The following SYN2 variants were observed in gnomAD, a reference collection of about 807,000 sequenced individuals.
The protein encoded by SYN2 is synapsin-2.
Under a neutral mutation model 50.9 loss-of-function variants are expected in SYN2, and 19 were observed. The ratio of observed to expected loss-of-function variants is 0.37; its 90% CI spans 0.26 to 0.55. The LOEUF is 0.55. Among genes scored for constraint, SYN2 ranks in the 20% least tolerant of loss-of-function variants. The pLI is 0.81. For missense variants in SYN2, 587 were observed against 576.4 expected (o/e 1.02, Z -0.19); for synonymous variants, 255 against 224.9 (o/e 1.13, Z -1.20).
rs751594755 is a variant in SYN2 at position 12,169,814 on chromosome 3, A to G, written c.1216A>G (p.Ile406Val). Residue 406 changes from isoleucine (I) to valine (V), a missense_variant, in exon 10 of 13, where the codon ATC (isoleucine) becomes GTC (valine). Transcript: ENST00000621198. Reference protein sequence around the residue: ...GEHQVEDRQLITELVISKMNQ... With the variant: ...GEHQVEDRQLVTELVISKMNQ... Reference sequence around the variant, plus strand: ...ACATCAGGTGGAGGACAGGCAACTCATCACCGAACTAGTCATCAGCAAGAT... The same window carrying G: ...ACATCAGGTGGAGGACAGGCAACTCGTCACCGAACTAGTCATCAGCAAGAT... The G allele has an allele frequency of 3.1e-6, 5 of 1,613,948 alleles. No individual in the cohort carries two copies. The highest frequency in any genetic ancestry group is 3.4e-6 in the Non-Finnish European group (4 of 1,179,874).
At chr3:12,080,221 A>G (rs1243873804) in intron 1 of SYN2, among the ~76,000 whole-genome samples, 1 of 148,562 alleles carries the variant, frequency 6.7e-6, no homozygotes, top group East Asian at 1.9e-4. Context: ...CTAGCAGTCT[A>G]TTTTATGAAT....
chr3:12,049,355 T>A (rs1335118281), intron 1 of SYN2, among the ~76,000 whole-genome samples: 1 of 151,762 alleles, frequency 6.6e-6, no homozygotes, highest in Non-Finnish European at 1.5e-5. Context: ...TCGTCTCTAC[T>A]AAAAATACAA....
intron 1 of SYN2, among the ~76,000 whole-genome samples, chr3:12,056,386 A>C (rs1402902447): frequency 1.3e-5 from 2 of 150,950 alleles, no homozygotes; most frequent in African/African-American, 4.9e-5. Context: ...TGTTTGCCTT[A>C]TAACAACTCA....
chr3:12,062,600 A>G (rs1695136883), intron 1 of SYN2, among the ~76,000 whole-genome samples: 1 of 152,040 alleles, frequency 6.6e-6, no homozygotes, highest in Admixed American at 6.6e-5. Context: ...TTTGCAAAAT[A>G]TGTACCTAAT....
rs181271429 is a variant in SYN2 at position 12,190,427 on chromosome 3, C to T, written c.1614-63C>T. 330 of 1,586,092 alleles carry T rather than the reference C, an allele frequency of 2.1e-4. 1 individual carries two copies. The highest frequency in any genetic ancestry group is 5.6e-4 in the Middle Eastern group (3 of 5,334). ...TTCTAGCTGTGTATCCTCACGTCAC[C>T]GTCCTTCCCTGCCTTGCTGGGAACA... On this transcript the variant is annotated intron_variant, in intron 12 of 12. Transcript: ENST00000621198.
chr3:12,187,261 A>G, intron 11 of SYN2, 108 bp from the exon 12 acceptor site: 1 of 1,412,170 alleles, frequency 7.1e-7, no homozygotes, highest in South Asian at 1.6e-5. Context: ...CTTGGAATAG[A>G]GCTTATCCTT....
In SYN2 at chr3:12,081,778, A is replaced by G. The variant is rs149566117; in HGVS notation, c.378-58873A>G. On this transcript the variant is annotated intron_variant, in intron 1 of 12. Coordinates refer to ENST00000621198, the MANE Select transcript of SYN2 (RefSeq NM_133625.6). ...GTTCATACTGCTTACTTGAATATCT[A>G]TATTGATTTGTAATCTCTTTTCCCA... 4.1e-3 allele frequency among the ~76,000 whole-genome samples: 619 copies of G among 152,176 alleles called. 3 individuals carry two copies. Among genetic ancestry groups the G allele is most frequent in the South Asian group, 9.5e-3 (46 of 4,822 alleles).
At chr3:12,190,378 G>A in intron 12 of SYN2, 112 bp from the exon 13 acceptor site, 2 of 1,243,888 alleles carry the variant, frequency 1.6e-6, no homozygotes, top group Admixed American at 3.8e-5. Flanking sequence ...CCATCACCTT[G>A]GTTTCCCAGG....
intron 5 of SYN2, chr3:12,159,400 G>A (rs1697575311): frequency 6.5e-6 from 1 of 153,232 alleles, no homozygotes; most frequent in South Asian, 2.0e-4. Context: ...TCAGCTGCAG[G>A]AAGTGCTTTC....
At chr3:12,177,297 T>C (rs1008609598) in intron 10 of SYN2, among the ~76,000 whole-genome samples, 2 of 152,152 alleles carry the variant, frequency 1.3e-5, no homozygotes, top group Non-Finnish European at 2.9e-5. Context: ...ATAAACTTCC[T>C]TAAAACATTA....
intron 5 of SYN2, chr3:12,154,417 A>G: frequency 1.2e-6 from 2 of 1,614,134 alleles, no homozygotes; most frequent in Non-Finnish European, 1.7e-6. Flanking sequence ...AGTTGCACAG[A>G]TGGATGAAGA....
intron 1 of SYN2, among the ~76,000 whole-genome samples, chr3:12,039,145 G>C (rs1439176541): frequency 8.5e-5 from 13 of 152,054 alleles, no homozygotes; most frequent in Non-Finnish European, 1.5e-5. Context: ...TGCTTTTTCT[G>C]TGTCTATTGA....
intron 1 of SYN2, among the ~76,000 whole-genome samples, chr3:12,039,547 AGATT>A (rs1694566864): frequency 1.0e-5 from 1 of 97,042 alleles, no homozygotes; most frequent in Admixed American, 1.5e-4. Context: ...AAAGAAGCAA[AGATT>A]TTTTTTTTTT....
At chr3:12,141,854 G>A in intron 2 of SYN2, 51 bp from the exon 3 acceptor site, 2 of 779,188 alleles carry the variant, frequency 2.6e-6, no homozygotes, top group South Asian at 1.3e-5. Context: ...CTATGTAGAG[G>A]ACTTGGTGAA....
At chr3:12,102,792 T>C (rs1478598433) in intron 1 of SYN2, among the ~76,000 whole-genome samples, 1 of 152,172 alleles carries the variant, frequency 6.6e-6, no homozygotes, top group Non-Finnish European at 1.5e-5. Flanking sequence ...GGCTTTATGC[T>C]TAGTTTTTTG....
At chr3:12,186,322 G>T (rs1020790746) in intron 11 of SYN2, among the ~76,000 whole-genome samples, 9 of 152,118 alleles carry the variant, frequency 5.9e-5, no homozygotes, top group Admixed American at 2.6e-4. Context: ...TCTAAGCGTT[G>T]GGACCCTCCT....
intron 1 of SYN2, among the ~76,000 whole-genome samples, chr3:12,113,937 T>G (rs1480779271): frequency 1.3e-5 from 2 of 152,190 alleles, no homozygotes; most frequent in African/African-American, 4.8e-5. Flanking sequence ...TTTGAACACC[T>G]GTTTTCAGTT....
rs371128682 is a variant in SYN2, at chr3:12,080,179, A to G, written c.378-60472A>G. ...ATTATCATTTTTTATTGTCTATTTG[A>G]TTCTTCTCTCTTTTCTTCTTTACTA... On this transcript the variant is annotated intron_variant, in intron 1 of 12. Transcript: ENST00000621198. Among the ~76,000 whole-genome samples, 18 of 151,168 alleles carry G rather than the reference A, an allele frequency of 1.2e-4. No individual in the cohort carries two copies. The East Asian group carries it at 2.3e-3, about 20-fold the overall frequency.
Position 12,190,490 on chromosome 3 carries a change from C to G in SYN2, c.1614C>G (p.Asn538Lys). 6.2e-7 allele frequency: 1 copy of G among 1,613,718 alleles called. No individual in the cohort carries two copies. The highest frequency in any genetic ancestry group is 8.5e-7 in the Non-Finnish European group (1 of 1,179,766). ...ATTCTCTCTGGTTTTTATCTTCAAG[C>G]AAGTCGCAGTCCCTGACAAATGCCT... ...PQKPQPHPQLNKSQSLTNAFS... is the reference protein window; with the variant it reads ...PQKPQPHPQLKKSQSLTNAFS... The change falls in exon 13 of 13, where the codon AAC (asparagine) becomes AAG (lysine). Residue 538 changes from asparagine to lysine, a missense_variant and splice_region_variant. Transcript: ENST00000621198.
Sources: gnomAD v4.1 joint callset for allele counts (sites outside exome capture counted in the v4.1 genomes callset) on GRCh38, gnomAD v4.1.1 for gene constraint, MANE v1.5 for transcripts, NCBI Gene and HGNC (gene_info 2026-07-23, HGNC 2026-07-21) for gene names.